CHST11: variants seen among roughly 807,000 people sequenced by gnomAD.
CHST11 encodes the protein C4S-1.
A neutral mutation model predicts 30.4 loss-of-function variants in CHST11; 9 were observed. That is an observed-to-expected ratio of 0.30 (90% confidence interval 0.18 to 0.52). The LOEUF (loss-of-function observed/expected upper bound fraction) is 0.52. Among genes scored for constraint, CHST11 ranks in the 20% least tolerant of loss-of-function variants. The probability of loss-of-function intolerance (pLI) is 0.97; values close to 1 mark genes in which losing one functional copy is unlikely to be tolerated. For missense variants in CHST11, 348 were observed against 460.6 expected (o/e 0.76, Z 2.24); for synonymous variants, 152 against 187.8 (o/e 0.81, Z 1.56).
intron 2 of CHST11, among the ~76,000 whole-genome samples, chr12:104,653,930 G>C (rs1207068928): frequency 6.6e-6 from 1 of 152,158 alleles, no homozygotes; most frequent in African/African-American, 2.4e-5. Flanking sequence ...CCTGCAGGGG[G>C]CCAAGATTCT....
At chr12:104,675,985 G>C (rs2039738794) in intron 2 of CHST11, among the ~76,000 whole-genome samples, 1 of 152,264 alleles carries the variant, frequency 6.6e-6, no homozygotes, top group African/African-American at 2.4e-5. Context: ...CCAGAGCCAA[G>C]GTTCACAAGC....
At chr12:104,620,490 A>G (rs1228719343) in intron 2 of CHST11, among the ~76,000 whole-genome samples, 2 of 152,214 alleles carry the variant, frequency 1.3e-5, no homozygotes, top group African/African-American at 2.4e-5. Flanking sequence ...TGCCTTTAAC[A>G]GTACCAAGAA....
chr12:104,602,327 C>G lies in CHST11; in HGVS notation c.204+336C>G, dbSNP rs150010057. 2,191 of 346,750 alleles carry G rather than the reference C, an allele frequency of 6.3e-3. 10 individuals carry two copies. Among genetic ancestry groups the G allele is most frequent in the Middle Eastern group, 0.014 (18 of 1,314 alleles). 21.5% of individuals were successfully genotyped at this position (346,750 alleles called of 1,614,324 possible). A position where few individuals can be genotyped will look rare whatever the true frequency, so the allele number is the denominator to read the frequency against. On this transcript the variant is annotated intron_variant, in intron 2 of 2. Transcript: ENST00000303694. Reference sequence around the variant, plus strand: ...GCTGTGCAGTCTTCCCTTTGGTATCCCCAAAGGAAGAGTTGCACATGGGTA... The same window carrying G: ...GCTGTGCAGTCTTCCCTTTGGTATCGCCAAAGGAAGAGTTGCACATGGGTA...
chr12:104,558,222 G>A (rs1204162006), intron 1 of CHST11, among the ~76,000 whole-genome samples: 1 of 152,156 alleles, frequency 6.6e-6, no homozygotes, highest in Admixed American at 6.5e-5. Flanking sequence ...GGCATGCCAG[G>A]GCCAGAGCGG....
intron 1 of CHST11, among the ~76,000 whole-genome samples, chr12:104,517,524 G>A (rs932763589): frequency 2.6e-5 from 4 of 152,184 alleles, no homozygotes; most frequent in African/African-American, 9.7e-5. Context: ...CCTGGGGTTG[G>A]AGTTAAGTTG....
chr12:104,595,784 G>A (rs754964821), intron 1 of CHST11, among the ~76,000 whole-genome samples: 5 of 152,180 alleles, frequency 3.3e-5, no homozygotes, highest in Non-Finnish European at 7.4e-5. Flanking sequence ...GCATTGCATA[G>A]TTGAGTTTCA....
chr12:104,644,723 G>A (rs2039409430), intron 2 of CHST11, among the ~76,000 whole-genome samples: 1 of 152,358 alleles, frequency 6.6e-6, no homozygotes, highest in East Asian at 1.9e-4. Flanking sequence ...CCCGGTGGCA[G>A]ACTGACCAGT....
chr12:104,618,031 C>T (rs2039124729), intron 2 of CHST11, among the ~76,000 whole-genome samples: 4 of 151,686 alleles, frequency 2.6e-5, no homozygotes, highest in Admixed American at 2.6e-4. Context: ...GCCTCAGCCT[C>T]CCGAGTAGCT....
intron 2 of CHST11, among the ~76,000 whole-genome samples, chr12:104,717,218 T>C (rs938828764): frequency 1.3e-5 from 2 of 152,222 alleles, no homozygotes; most frequent in East Asian, 1.9e-4. Context: ...GGTTAGGATG[T>C]GGACATCTTG....
At chr12:104,569,026 C>T (rs1189027325) in intron 1 of CHST11, among the ~76,000 whole-genome samples, 2 of 152,118 alleles carry the variant, frequency 1.3e-5, no homozygotes, top group Non-Finnish European at 2.9e-5. Flanking sequence ...TCATTAATCC[C>T]CACAACACTC....
chr12:104,675,782 T>G (rs764989940), intron 2 of CHST11, among the ~76,000 whole-genome samples: 52 of 152,210 alleles, frequency 3.4e-4, no homozygotes, highest in Non-Finnish European at 5.4e-4. Flanking sequence ...GATACATACA[T>G]GCAAAAAGTC....
intron 1 of CHST11, among the ~76,000 whole-genome samples, chr12:104,497,705 A>C (rs1448995675): frequency 6.6e-6 from 1 of 152,140 alleles, no homozygotes; most frequent in Non-Finnish European, 1.5e-5. Context: ...CCGTATGTCC[A>C]CATCTGTCTT....
chr12:104,491,430 A>T (rs2037744879), intron 1 of CHST11, among the ~76,000 whole-genome samples: 2 of 151,356 alleles, frequency 1.3e-5, no homozygotes, highest in Admixed American at 1.3e-4. Context: ...AACAAGAACC[A>T]CTTTACCTTA....
chr12:104,692,608 GC>G (rs1219321004), intron 2 of CHST11, among the ~76,000 whole-genome samples: 1 of 152,068 alleles, frequency 6.6e-6, no homozygotes, highest in Non-Finnish European at 1.5e-5. Flanking sequence ...AATGCCCCTG[GC>G]CACAGACCCG....
At chr12:104,670,308 A>C (rs879578627) in intron 2 of CHST11, among the ~76,000 whole-genome samples, 1 of 152,118 alleles carries the variant, frequency 6.6e-6, no homozygotes, top group Non-Finnish European at 1.5e-5. Flanking sequence ...ACCACTCTGA[A>C]TCCACCAGCA....
chr12:104,734,502 C>T (rs1051406710), intron 2 of CHST11, among the ~76,000 whole-genome samples: 4 of 152,184 alleles, frequency 2.6e-5, no homozygotes, highest in Admixed American at 6.5e-5. Flanking sequence ...AGGGCTGGAC[C>T]TTAAGATCCG....
chr12:104,501,340 G>C (rs931130053), intron 1 of CHST11, among the ~76,000 whole-genome samples: 1 of 152,170 alleles, frequency 6.6e-6, no homozygotes, highest in Non-Finnish European at 1.5e-5. Flanking sequence ...AGAGCCCTGG[G>C]ATCCAGGAAG....
intron 1 of CHST11, among the ~76,000 whole-genome samples, chr12:104,557,282 G>A (rs2038466701): frequency 1.3e-5 from 2 of 152,208 alleles, no homozygotes; most frequent in South Asian, 4.1e-4. Flanking sequence ...TCTGGGCTGT[G>A]CACCTGGGAA....
intron 2 of CHST11, among the ~76,000 whole-genome samples, chr12:104,637,334 A>AAAAAAAAAG (rs2039334349): frequency 1.7e-5 from 1 of 60,322 alleles, no homozygotes; most frequent in African/African-American, 7.1e-5. Flanking sequence ...AAAAAAAAAA[A>AAAAAAAAAG]AGGGGGTTGG....
Sources: gnomAD v4.1 joint callset for allele counts (sites outside exome capture counted in the v4.1 genomes callset) on GRCh38, gnomAD v4.1.1 for gene constraint, MANE v1.5 for transcripts, NCBI Gene and HGNC (gene_info 2026-07-23, HGNC 2026-07-21) for gene names.